The following ZSWIM8 variants were observed in gnomAD, a reference collection of about 807,000 sequenced individuals.
ZSWIM8 encodes zinc finger SWIM domain-containing protein 8.
ZSWIM8 carries 27 observed loss-of-function variants against 173.7 expected under a neutral mutation model. That is an observed-to-expected ratio of 0.16 (90% CI 0.11 to 0.21). The LOEUF (loss-of-function observed/expected upper bound fraction) is 0.21, where lower values mean the gene tolerates loss of function less well. Ranked by LOEUF, ZSWIM8 falls within the 10% of genes least tolerant of loss-of-function variation. The pLI, the probability that ZSWIM8 is intolerant of heterozygous loss-of-function variation, is 1.00. For synonymous variants in ZSWIM8, 958 were observed against 962.0 expected, an observed-to-expected ratio of 1.00 and a Z score of 0.08; for missense variants, 1,627 against 2,428.8, an observed-to-expected ratio of 0.67 and a Z score of 6.94.
rs776355230 is a variant in ZSWIM8 at position 73,797,581 on chromosome 10, G to A, written c.3638G>A (p.Arg1213Gln). 114 of 1,613,840 alleles carry A rather than the reference G, an allele frequency of 7.1e-5. No homozygotes were observed. The highest frequency in any genetic ancestry group is 9.3e-5 in the Non-Finnish European group (110 of 1,179,852). Residue 1213 changes from arginine (R) to glutamine (Q), a missense_variant, in exon 18 of 26, where the codon CGG becomes CAG. Arg to Gln is a conservative substitution (Grantham distance 43). This residue lies in a region of ZSWIM8 where 72 missense variants were observed against 98.4 expected (regional missense o/e 0.73). Transcript: ENST00000604729. This position sits in a 1 kb window ranked among gnomAD's most constrained non-coding sequence, Gnocchi z 5.6. ...CGGGCCAGTGCCAGTGGAGGAGCCC[G>A]GGCGAAGACTGTTGAAGTTGGCAGG... ...SRRASASGGARAKTVEVGRYK... is the reference protein window; with the variant it reads ...SRRASASGGAQAKTVEVGRYK...
intron 15 of ZSWIM8, chr10:73,796,350 T>G: frequency 2.7e-6 from 1 of 372,232 alleles, no homozygotes. Flanking sequence ...CCCTGTCTCT[T>G]AAAAAAAAAA....
rs199908182 is a variant in ZSWIM8 at position 73,800,633 on chromosome 10, C to CTA, written c.5003-6_5003-5insAT. On this transcript the variant is annotated splice_polypyrimidine_tract_variant and splice_region_variant and intron_variant, in intron 23 of 25. Transcript: ENST00000604729. This position sits in a 1 kb window ranked among gnomAD's most constrained non-coding sequence, Gnocchi z 4.1. ...GTACCATGTGCCCACCCTTATCTATCTCCCAGGAATGCTGGCACTGGAGAT... is the reference window on the plus strand; with the variant it reads ...GTACCATGTGCCCACCCTTATCTATCTATCCCAGGAATGCTGGCACTGGAGAT... 4,676 of 1,613,290 alleles carry CTA rather than the reference C, an allele frequency of 2.9e-3. 12 individuals are homozygous for CTA. Among genetic ancestry groups the CTA allele is most frequent in the Non-Finnish European group, 2.9e-3 (3,470 of 1,179,524 alleles).
chr10:73,787,247 A>G (rs149182665), intron 1 of ZSWIM8, among the ~76,000 whole-genome samples: 64 of 152,262 alleles, frequency 4.2e-4, no homozygotes, highest in African/African-American at 1.3e-3. Flanking sequence ...CCCGGCATAT[A>G]TATCACTTTT....
At position 73,791,273 on chromosome 10, in the gene ZSWIM8, C is replaced by T; in HGVS notation, c.1144-51C>T. The T allele has an allele frequency of 1.3e-6, 2 of 1,578,466 alleles. No homozygotes were observed. The highest frequency in any genetic ancestry group is 1.7e-6 in the Non-Finnish European group (2 of 1,156,120). On this transcript the variant is annotated intron_variant, in intron 8 of 25. Transcript: ENST00000604729. This position sits in a 1 kb window ranked among gnomAD's most constrained non-coding sequence, Gnocchi z 6.0. ...TGAAATGGACTCTGGGAGGGCTACT[C>T]TGCCTTTCTCTGAGCTCTCAGGTGC...
At chr10:73,795,962 CAAAAAAAA>C (rs34801762) in intron 15 of ZSWIM8, among the ~76,000 whole-genome samples, 2 of 58,810 alleles carry the variant, frequency 3.4e-5, no homozygotes, top group Admixed American at 2.2e-4. Flanking sequence ...GACCCTGTTT[CAAAAAAAA>C]AAAAAAAAAA....
Position 73,789,165 on chromosome 10 carries a change from G to A in ZSWIM8, c.432G>A (p.Arg144=), listed in dbSNP as rs776224088. The change falls in exon 3 of 26, where the codon CGG becomes CGA. Residue 144 remains arginine, a synonymous_variant. Transcript: ENST00000604729. This position sits in a 1 kb window ranked among gnomAD's most constrained non-coding sequence, Gnocchi z 6.8. The stretch of plus-strand genomic sequence containing the variant: ...GAGGGGATCAGCTCTTCCGCATGCG[G>A]GCTGTGAAGGACCCATTGCAGATAG... ...FQRGDQLFRM[R]AVKDPLQIGF... is the part of the protein sequence containing the mutation. The A allele has an allele frequency of 1.9e-6, 3 of 1,614,000 alleles. No individual in the cohort carries two copies. Among genetic ancestry groups the A allele is most frequent in the East Asian group, 2.2e-5 (1 of 44,892 alleles).
chr10:73,791,751 G>A lies in ZSWIM8; in HGVS notation c.1320-108G>A, dbSNP rs1039594310. On this transcript the variant is annotated intron_variant, in intron 9 of 25. Coordinates refer to ENST00000604729, the MANE Select transcript of ZSWIM8 (RefSeq NM_001367799.1). The surrounding 1 kb of genome is among the most constrained non-coding windows in gnomAD (Gnocchi z 6.0). ...GATGCTTATGGGGCTGGGTCAAGAA[G>A]TACTTTCCTGTATCCTTTCCCCATG... 7.2e-7 allele frequency: 1 copy of A among 1,397,088 alleles called. No homozygotes were observed. Among genetic ancestry groups the A allele is most frequent in the African/African-American group, 1.5e-5 (1 of 68,680 alleles). The allele number at this position is 1,397,088 out of a possible 1,614,324, so 86.5% of individuals were successfully genotyped here.
chr10:73,792,965 G>A lies in ZSWIM8; in HGVS notation c.2313+113G>A. On this transcript the variant is annotated intron_variant, in intron 10 of 25. Coordinates refer to ENST00000604729, the MANE Select transcript of ZSWIM8 (RefSeq NM_001367799.1). This position sits in a 1 kb window ranked among gnomAD's most constrained non-coding sequence, Gnocchi z 4.3. ...TCAGCAGGATTGTGAGAACCCTGTT[G>A]CAGGCGCCGAACTGGTCTCCCTGCT... 3.8e-6 allele frequency: 5 copies of A among 1,321,594 alleles called. No individual in the cohort carries two copies. The highest frequency in any genetic ancestry group is 5.1e-6 in the Non-Finnish European group (5 of 979,072). The allele number at this position is 1,321,594 out of a possible 1,614,324, so 81.9% of individuals were successfully genotyped here.
intron 10 of ZSWIM8, 77 bp from the exon 11 acceptor site, chr10:73,793,511 G>T: frequency 6.8e-7 from 1 of 1,480,386 alleles, no homozygotes. Flanking sequence ...AAGGAATGTT[G>T]GCTGCATGAG....
chr10:73,795,733 A>G (rs939059498), intron 15 of ZSWIM8, 70 bp downstream of exon 15: 12 of 1,517,790 alleles, frequency 7.9e-6, no homozygotes, highest in East Asian at 4.8e-5. Context: ...AGAGGCGGGC[A>G]GATGGCTTGA....
rs768238769 is a variant in ZSWIM8 at position 73,785,607 on chromosome 10, G to C, written c.-272G>C. 1.9e-6 allele frequency: 1 copy of C among 537,688 alleles called. No individual in the cohort carries two copies. Among genetic ancestry groups the C allele is most frequent in the Non-Finnish European group, 3.6e-6 (1 of 280,608 alleles). 33.3% of individuals were successfully genotyped at this position (537,688 alleles called of 1,614,324 possible). ...AGCTGATGGGGGAGGCGGCTCCGCA[G>C]CCGCCTAGAGGCCCCAGCCGCCGAG... On this transcript the variant is annotated 5_prime_UTR_variant, in exon 1 of 26. Coordinates refer to ENST00000604729, the MANE Select transcript of ZSWIM8 (RefSeq NM_001367799.1).
chr10:73,793,518 T>G, intron 10 of ZSWIM8, 70 bp from the exon 11 acceptor site: 9 of 1,504,008 alleles, frequency 6.0e-6, no homozygotes, highest in Non-Finnish European at 7.1e-6. Flanking sequence ...GTTGGCTGCA[T>G]GAGTGAGCAT....
Position 73,800,248 on chromosome 10 carries a change from G to T in ZSWIM8, c.4826-48G>T. 1 of 1,611,396 alleles carries T rather than the reference G, an allele frequency of 6.2e-7. No homozygotes were observed. Among genetic ancestry groups the T allele is most frequent in the Non-Finnish European group, 8.5e-7 (1 of 1,178,018 alleles). ...GGGAGGTGGGGAGGGAATGTTCTTT[G>T]TCTCTCTTTGGGCTCTGAGTTCCTC... On this transcript the variant is annotated intron_variant, in intron 22 of 25. Coordinates refer to ENST00000604729, the MANE Select transcript of ZSWIM8 (RefSeq NM_001367799.1). This position sits in a 1 kb window ranked among gnomAD's most constrained non-coding sequence, Gnocchi z 4.1.
chr10:73,800,866 C>T lies in ZSWIM8; in HGVS notation c.5122+107C>T, dbSNP rs2083920158. On this transcript the variant is annotated intron_variant, in intron 24 of 25. Coordinates refer to ENST00000604729, the MANE Select transcript of ZSWIM8 (RefSeq NM_001367799.1). The surrounding 1 kb of genome is among the most constrained non-coding windows in gnomAD (Gnocchi z 4.1). ...TCTTGCTCAGAGTTGAGGCCTTGGT[C>T]GGGTATGTGTGCGTGCGCGGGGGGC... is the stretch of plus-strand genomic sequence containing the variant. The T allele has an allele frequency of 1.7e-6, 2 of 1,187,874 alleles. No homozygotes were observed. Among genetic ancestry groups the T allele is most frequent in the Non-Finnish European group, 2.4e-6 (2 of 844,154 alleles). The allele number at this position is 1,187,874 out of a possible 1,614,324, so 73.6% of individuals were successfully genotyped here.
intron 21 of ZSWIM8, 85 bp from the exon 22 acceptor site, chr10:73,799,926 C>G (rs2083855084): frequency 7.0e-7 from 1 of 1,421,120 alleles, no homozygotes; most frequent in Non-Finnish European, 9.7e-7. Context: ...AAAAACATGT[C>G]AGGATAGCAG....
Position 73,799,245 on chromosome 10 carries a change from A to ACAGTGG in ZSWIM8, c.4424_4429dup (p.Val1475_Ala1476dup). On this transcript the variant is annotated inframe_insertion, in exon 21 of 26. Transcript: ENST00000604729. The stretch of plus-strand genomic sequence containing the variant: ...AGGGGGCCCAGGGACTGAGCCGGTT[A>ACAGTGG]CAGTGGCAGCGGCAGCAGTGACAGC... 3 of 1,602,864 alleles carry ACAGTGG rather than the reference A, an allele frequency of 1.9e-6. No individual in the cohort carries two copies. The highest frequency in any genetic ancestry group is 1.7e-4 in the Middle Eastern group (1 of 6,046).
chr10:73,800,068 C>T lies in ZSWIM8; in HGVS notation c.4723C>T (p.Leu1575Phe). ...QYPYSVTPPS[L>F]AATAVSFPVP... ...CCCTTATTCAGTGACTCCTCCCTCACTTGCTGCCACTGCTGTGTCTTTCCC... is the reference window on the plus strand; with the variant it reads ...CCCTTATTCAGTGACTCCTCCCTCATTTGCTGCCACTGCTGTGTCTTTCCC... The change falls in exon 22 of 26, where the codon CTT (leucine) becomes TTT (phenylalanine). Residue 1575 changes from leucine to phenylalanine, a missense_variant. Around this residue, in one of 18 missense-constraint regions of ZSWIM8, gnomAD observed 275 missense variants for 290.1 expected, o/e 0.95. Transcript: ENST00000604729. This position sits in a 1 kb window ranked among gnomAD's most constrained non-coding sequence, Gnocchi z 4.1. The T allele has an allele frequency of 6.2e-7, 1 of 1,613,886 alleles. No individual in the cohort carries two copies. Among genetic ancestry groups the T allele is most frequent in the East Asian group, 2.2e-5 (1 of 44,878 alleles).
At position 73,793,524 on chromosome 10, in the gene ZSWIM8, A is replaced by G. The variant is rs2083497099; in HGVS notation, c.2314-64A>G. The G allele has an allele frequency of 2.6e-6, 4 of 1,515,820 alleles. No homozygotes were observed. The South Asian group carries it at 5.3e-5, about 20-fold the overall frequency. The allele number at this position is 1,515,820 out of a possible 1,614,324, so 93.9% of individuals were successfully genotyped here. ...TCAAGGAATGTTGGCTGCATGAGTGAGCATGATGTCCTGCTCCTGGAAGTT... is the reference window on the plus strand; with the variant it reads ...TCAAGGAATGTTGGCTGCATGAGTGGGCATGATGTCCTGCTCCTGGAAGTT... On this transcript the variant is annotated intron_variant, in intron 10 of 25. Coordinates refer to ENST00000604729, the MANE Select transcript of ZSWIM8 (RefSeq NM_001367799.1).
In ZSWIM8 at chr10:73,796,644, T is replaced by C. The variant is rs188227292; in HGVS notation, c.3034-130T>C. 1.1e-3 allele frequency: 1,415 copies of C among 1,294,864 alleles called. 6 individuals carry two copies. The highest frequency in any genetic ancestry group is 0.011 in the Middle Eastern group (57 of 5,256). The allele number at this position is 1,294,864 out of a possible 1,614,324, so 80.2% of individuals were successfully genotyped here. The stretch of plus-strand genomic sequence containing the variant: ...TGTAAACCAGGAGGTCATCCTGTGG[T>C]TGTAAGTGGGGAAGGCTCCCTGAGG... On this transcript the variant is annotated intron_variant, in intron 15 of 25. Transcript: ENST00000604729.
Sources: allele counts gnomAD v4.1 joint callset (sites outside exome capture counted in the v4.1 genomes callset), GRCh38; gene constraint gnomAD v4.1.1; regional missense constraint gnomAD v4.1.1; non-coding constraint Gnocchi (gnomAD v3.1); transcripts MANE v1.5; gene names NCBI Gene and HGNC (gene_info 2026-07-23, HGNC 2026-07-21).